PGP: variants seen among roughly 807,000 people sequenced by gnomAD.
PGP encodes the protein phosphoglycolate phosphatase.
PGP carries 9 observed loss-of-function variants against 19.3 expected under a neutral mutation model. The ratio of observed to expected loss-of-function variants is 0.47; its 90% CI spans 0.28 to 0.81. The LOEUF (loss-of-function observed/expected upper bound fraction) is 0.81. PGP is among the 40% of genes least tolerant of loss of function. The probability of loss-of-function intolerance (pLI) is 0.11; values close to 1 mark genes in which losing one functional copy is unlikely to be tolerated. For missense variants in PGP, 403 were observed against 479.9 expected (o/e 0.84, Z 1.50); for synonymous variants, 308 against 226.8 (o/e 1.36, Z -3.22).
chr16:2,211,597 T>C lies in PGP; in HGVS notation c.*2131A>G, dbSNP rs762553939. ...CAAGTCCCGCTAATTTTTGTATTTT[T>C]AGTAGAGATGGGTTTTCACCATTTT... On this transcript the variant is annotated 3_prime_UTR_variant, in exon 2 of 2. Transcript: ENST00000333503. The C allele has an allele frequency of 2.4e-6, 2 of 843,590 alleles. No individual in the cohort carries two copies. Among genetic ancestry groups the C allele is most frequent in the African/African-American group, 1.8e-5 (1 of 54,330 alleles). 52.3% of individuals were successfully genotyped at this position (843,590 alleles called of 1,614,324 possible).
At position 2,214,627 on chromosome 16, in the gene PGP, C is replaced by G; in HGVS notation, c.151G>C (p.Glu51Gln). The G allele has an allele frequency of 6.9e-7, 1 of 1,448,662 alleles. No homozygotes were observed. The highest frequency in any genetic ancestry group is 9.1e-7 in the Non-Finnish European group (1 of 1,103,482). The allele number at this position is 1,448,662 out of a possible 1,614,324, so 89.7% of individuals were successfully genotyped here. A position where few individuals can be genotyped will look rare whatever the true frequency, so the allele number is the denominator to read the frequency against. Residue 51 changes from glutamate to glutamine, a missense_variant, in exon 1 of 2, where the codon GAG (glutamate) becomes CAG (glutamine). Physicochemically the swap from Glu to Gln is conservative, Grantham distance 29 (BLOSUM62 2). Transcript: ENST00000333503. The surrounding 1 kb of genome is among the most constrained non-coding windows in gnomAD (Gnocchi z 7.1). ...CGGGCTCGCAGCGCCCGCAGGGCCT[C>G]GGGCGCGCCAGGCACGGCGGTCTCC... ...RGETAVPGAPEALRALRARGK... is the reference protein window; with the variant it reads ...RGETAVPGAPQALRALRARGK...
chr16:2,213,039 A>G lies in PGP; in HGVS notation c.*689T>C, dbSNP rs1346729845. The G allele has an allele frequency of 1.0e-5, 10 of 985,410 alleles. No homozygotes were observed. The highest frequency in any genetic ancestry group is 1.2e-6 in the Non-Finnish European group (1 of 829,966). The allele number at this position is 985,410 out of a possible 1,614,324, so 61.0% of individuals were successfully genotyped here. On this transcript the variant is annotated 3_prime_UTR_variant, in exon 2 of 2. Transcript: ENST00000333503. ...CTGGGTATAAATGCACACTTGAGAC[A>G]GCAGAGCTTTAGCTGGGCTGCGTTT...
chr16:2,212,973 T>C lies in PGP; in HGVS notation c.*755A>G. ...CCCTGCACTGCAGCCCGGAGTTCAGTGAAGGCGTCCACGCCATGGTAGCTG... is the reference window on the plus strand; with the variant it reads ...CCCTGCACTGCAGCCCGGAGTTCAGCGAAGGCGTCCACGCCATGGTAGCTG... On this transcript the variant is annotated 3_prime_UTR_variant, in exon 2 of 2. Transcript: ENST00000333503. 1.0e-6 allele frequency: 1 copy of C among 985,502 alleles called. No homozygotes were observed. Among genetic ancestry groups the C allele is most frequent in the Non-Finnish European group, 1.2e-6 (1 of 829,944 alleles). 61.0% of individuals were successfully genotyped at this position (985,502 alleles called of 1,614,324 possible).
At position 2,214,511 on chromosome 16, in the gene PGP, G is replaced by C; in HGVS notation, c.267C>G (p.Pro89=). 2.1e-6 allele frequency: 3 copies of C among 1,428,076 alleles called. No individual in the cohort carries two copies. Among genetic ancestry groups the C allele is most frequent in the Non-Finnish European group, 2.7e-6 (3 of 1,094,662 alleles). The allele number at this position is 1,428,076 out of a possible 1,614,324, so 88.5% of individuals were successfully genotyped here. ...EKLRRLGFGG[P]AGPGASLEVF... is the part of the protein sequence containing the mutation. ...CCTCCAGGCTGGCGCCGGGCCCCGCGGGGCCGCCGAAGCCCAGGCGCCGCA... is the reference window on the plus strand; with the variant it reads ...CCTCCAGGCTGGCGCCGGGCCCCGCCGGGCCGCCGAAGCCCAGGCGCCGCA... The change falls in exon 1 of 2, where the codon CCC becomes CCG. Residue 89 remains proline, a synonymous_variant. Coordinates refer to ENST00000333503, the MANE Select transcript of PGP (RefSeq NM_001042371.3). This position sits in a 1 kb window ranked among gnomAD's most constrained non-coding sequence, Gnocchi z 7.1.
At position 2,213,981 on chromosome 16, in the gene PGP, C is replaced by G. The variant is rs757510928; in HGVS notation, c.713G>C (p.Arg238Pro). The G allele has an allele frequency of 1.2e-6, 2 of 1,609,428 alleles. No individual in the cohort carries two copies. The highest frequency in any genetic ancestry group is 1.1e-5 in the South Asian group (1 of 90,896). The change falls in exon 2 of 2, where the codon CGC becomes CCC. Residue 238 changes from arginine to proline, a missense_variant. By Grantham distance (103) the Arg-to-Pro change is moderately radical (BLOSUM62 -2). Coordinates refer to ENST00000333503, the MANE Select transcript of PGP (RefSeq NM_001042371.3). ...CTGGGACACGCAGTCGAAAATGAAGCGGCTGGGCTTCCCGATGATGTCGGC... is the reference window on the plus strand; with the variant it reads ...CTGGGACACGCAGTCGAAAATGAAGGGGCTGGGCTTCCCGATGATGTCGGC... ...RQADIIGKPS[R>P]FIFDCVSQEY...
chr16:2,212,602 C>T lies in PGP; in HGVS notation c.*1126G>A, dbSNP rs923651810. On this transcript the variant is annotated 3_prime_UTR_variant, in exon 2 of 2. Transcript: ENST00000333503. ...CTGGGCCACCAGTCTCTAACCCCTA[C>T]CCCAGCCTAGGGAAGGGGAGGACAG... is the stretch of plus-strand genomic sequence containing the variant. 9.1e-6 allele frequency: 9 copies of T among 985,370 alleles called. No homozygotes were observed. The highest frequency in any genetic ancestry group is 2.3e-4 in the East Asian group (2 of 8,832). 61.0% of individuals were successfully genotyped at this position (985,370 alleles called of 1,614,324 possible).
chr16:2,212,290 G>T lies in PGP; in HGVS notation c.*1438C>A, dbSNP rs934711990. On this transcript the variant is annotated 3_prime_UTR_variant, in exon 2 of 2. Coordinates refer to ENST00000333503, the MANE Select transcript of PGP (RefSeq NM_001042371.3). ...GGCCTGGGAGGTGCTGAAGGCTCAG[G>T]ACGCCTCTTATTGCTCTGAAGTCTT... 1 of 985,882 alleles carries T rather than the reference G, an allele frequency of 1.0e-6. No homozygotes were observed. Among genetic ancestry groups the T allele is most frequent in the African/African-American group, 1.7e-5 (1 of 57,266 alleles). The allele number at this position is 985,882 out of a possible 1,614,324, so 61.1% of individuals were successfully genotyped here.
chr16:2,214,183 T>C lies in PGP; in HGVS notation c.595A>G (p.Asn199Asp). ...TCAAGCGGAAGCCGGTTGTCCATGT[T>C]GGTGCCCACGAGCAGGCAGCCGGGC... ...QQPGCLLVGT[N>D]MDNRLPLENG... The change falls in exon 1 of 2, where the codon AAC becomes GAC. Residue 199 changes from asparagine (N) to aspartate (D), a missense_variant. Transcript: ENST00000333503. This position sits in a 1 kb window ranked among gnomAD's most constrained non-coding sequence, Gnocchi z 7.1. The C allele has an allele frequency of 6.3e-7, 1 of 1,595,580 alleles. No homozygotes were observed. Among genetic ancestry groups the C allele is most frequent in the Non-Finnish European group, 8.5e-7 (1 of 1,179,004 alleles).
chr16:2,214,010 G>T lies in PGP; in HGVS notation c.684C>A (p.Arg228=), dbSNP rs758894065. The change falls in exon 2 of 2, where the codon CGC becomes CGA. Residue 228 remains arginine, a synonymous_variant. Coordinates refer to ENST00000333503, the MANE Select transcript of PGP (RefSeq NM_001042371.3). The surrounding 1 kb of genome is among the most constrained non-coding windows in gnomAD (Gnocchi z 7.1). ...LVRAVEMAAQ[R]QADIIGKPSR... Reference sequence around the variant, plus strand: ...TGGGCTTCCCGATGATGTCGGCCTGGCGCTGGGCGGCCATCTCCACGGCTC... The same window carrying T: ...TGGGCTTCCCGATGATGTCGGCCTGTCGCTGGGCGGCCATCTCCACGGCTC... 1.2e-6 allele frequency: 2 copies of T among 1,604,114 alleles called. No homozygotes were observed. Among genetic ancestry groups the T allele is most frequent in the Non-Finnish European group, 1.7e-6 (2 of 1,174,110 alleles).
In PGP at chr16:2,211,954, C is replaced by T; in HGVS notation, c.*1774G>A. 1.0e-6 allele frequency: 1 copy of T among 985,594 alleles called. No homozygotes were observed. Among genetic ancestry groups the T allele is most frequent in the Non-Finnish European group, 1.2e-6 (1 of 830,006 alleles). The allele number at this position is 985,594 out of a possible 1,614,324, so 61.1% of individuals were successfully genotyped here. A position where few individuals can be genotyped will look rare whatever the true frequency, so the allele number is the denominator to read the frequency against. On this transcript the variant is annotated 3_prime_UTR_variant, in exon 2 of 2. Transcript: ENST00000333503. ...TCCCACCCGTGGTGAGACGGCATCA[C>T]CCGGGCCAATGCAAGGTGAGAGCAA...
In PGP at chr16:2,214,515, C is replaced by A. The variant is rs779904824; in HGVS notation, c.263G>T (p.Gly88Val). ...AEKLRRLGFG[G>V]PAGPGASLEV... ...CAGGCTGGCGCCGGGCCCCGCGGGG[C>A]CGCCGAAGCCCAGGCGCCGCAGCTT... The change falls in exon 1 of 2, where the codon GGC (glycine) becomes GTC (valine). Residue 88 changes from glycine to valine, a missense_variant. Transcript: ENST00000333503. This position sits in a 1 kb window ranked among gnomAD's most constrained non-coding sequence, Gnocchi z 7.1. The A allele has an allele frequency of 1.2e-5, 17 of 1,431,232 alleles. No individual in the cohort carries two copies. The highest frequency in any genetic ancestry group is 2.1e-4 in the Middle Eastern group (1 of 4,856). 88.7% of individuals were successfully genotyped at this position (1,431,232 alleles called of 1,614,324 possible). A position where few individuals can be genotyped will look rare whatever the true frequency, so the allele number is the denominator to read the frequency against.
chr16:2,213,665 T>C lies in PGP; in HGVS notation c.*63A>G, dbSNP rs2093380973. ...GAGCAGATGCTTAAGCCCCACCTAT[T>C]AATTTGGGTAACTGGTTTTCAATTT... On this transcript the variant is annotated 3_prime_UTR_variant, in exon 2 of 2. Coordinates refer to ENST00000333503, the MANE Select transcript of PGP (RefSeq NM_001042371.3). The C allele has an allele frequency of 7.0e-7, 1 of 1,433,680 alleles. No individual in the cohort carries two copies. The highest frequency in any genetic ancestry group is 2.5e-5 in the Admixed American group (1 of 40,450). 88.8% of individuals were successfully genotyped at this position (1,433,680 alleles called of 1,614,324 possible). A position where few individuals can be genotyped will look rare whatever the true frequency, so the allele number is the denominator to read the frequency against.
At position 2,214,520 on chromosome 16, in the gene PGP, G is replaced by A; in HGVS notation, c.258C>T (p.Phe86=). The change falls in exon 1 of 2, where the codon TTC becomes TTT. Residue 86 remains phenylalanine (F), a synonymous_variant. Coordinates refer to ENST00000333503, the MANE Select transcript of PGP (RefSeq NM_001042371.3). This position sits in a 1 kb window ranked among gnomAD's most constrained non-coding sequence, Gnocchi z 7.1. ...TGGCGCCGGGCCCCGCGGGGCCGCC[G>A]AAGCCCAGGCGCCGCAGCTTCTCGG... The part of the protein sequence containing the change: ...AYAEKLRRLG[F]GGPAGPGASL... 1.4e-6 allele frequency: 2 copies of A among 1,441,124 alleles called. No homozygotes were observed. The highest frequency in any genetic ancestry group is 9.1e-7 in the Non-Finnish European group (1 of 1,099,772). 89.3% of individuals were successfully genotyped at this position (1,441,124 alleles called of 1,614,324 possible).
rs1267091639 is a variant in PGP, at chr16:2,212,020, C to T, written c.*1708G>A. On this transcript the variant is annotated 3_prime_UTR_variant, in exon 2 of 2. Transcript: ENST00000333503. ...TGTGGGTTTGAGAGTTTAATCTGTG[C>T]TCTGGCGCCCACAGTGCTGCAGCCC... The T allele has an allele frequency of 5.1e-6, 5 of 985,408 alleles. No individual in the cohort carries two copies. The East Asian group carries it at 4.5e-4, about 89-fold the overall frequency. 61.0% of individuals were successfully genotyped at this position (985,408 alleles called of 1,614,324 possible).
In PGP at chr16:2,214,068, G is replaced by A. The variant is rs775602143; in HGVS notation, c.641-15C>T. The stretch of plus-strand genomic sequence containing the variant: ...ACACCCGGTACCTGCGGGGCACAGG[G>A]GACCGGGTCAAAGGGCAGGGAGGGG... On this transcript the variant is annotated splice_polypyrimidine_tract_variant and intron_variant, in intron 1 of 1. Transcript: ENST00000333503. The surrounding 1 kb of genome is among the most constrained non-coding windows in gnomAD (Gnocchi z 7.1). 3 of 1,598,546 alleles carry A rather than the reference G, an allele frequency of 1.9e-6. No individual in the cohort carries two copies. In the South Asian group the frequency reaches 3.3e-5, roughly 18 times the overall value.
Position 2,213,084 on chromosome 16 carries a change from C to A in PGP, c.*644G>T. 1 of 985,504 alleles carries A rather than the reference C, an allele frequency of 1.0e-6. No individual in the cohort carries two copies. The highest frequency in any genetic ancestry group is 1.2e-6 in the Non-Finnish European group (1 of 829,960). 61.0% of individuals were successfully genotyped at this position (985,504 alleles called of 1,614,324 possible). ...GCGTTTACAGAACTGGGCAGCAGCC[C>A]TGGGTATCTGAAACGGAACAGACAC... On this transcript the variant is annotated 3_prime_UTR_variant, in exon 2 of 2. Transcript: ENST00000333503.
Position 2,213,904 on chromosome 16 carries a change from T to C in PGP, c.790A>G (p.Thr264Ala), listed in dbSNP as rs1456757158. The C allele has an allele frequency of 6.2e-7, 1 of 1,613,328 alleles. No individual in the cohort carries two copies. The highest frequency in any genetic ancestry group is 2.2e-5 in the East Asian group (1 of 44,858). ...RTVMVGDRLD[T>A]DILLGATCGL... ...CAGGTGGCGCCTAGGAGGATGTCTG[T>C]GTCCAGGCGGTCTCCCACCATGACG... Residue 264 changes from threonine to alanine, a missense_variant, in exon 2 of 2, where the codon ACA (threonine) becomes GCA (alanine). Transcript: ENST00000333503.
rs1596738102 is a variant in PGP, at chr16:2,211,778, T to C, written c.*1950A>G. 1.0e-6 allele frequency: 1 copy of C among 985,632 alleles called. No individual in the cohort carries two copies. Among genetic ancestry groups the C allele is most frequent in the Non-Finnish European group, 1.2e-6 (1 of 830,058 alleles). The allele number at this position is 985,632 out of a possible 1,614,324, so 61.1% of individuals were successfully genotyped here. ...CGCTCTGACACGGCAGCCCACCAGCTTCACTCCAGGGCCCTTTGCTTCCCT... is the reference window on the plus strand; with the variant it reads ...CGCTCTGACACGGCAGCCCACCAGCCTCACTCCAGGGCCCTTTGCTTCCCT... On this transcript the variant is annotated 3_prime_UTR_variant, in exon 2 of 2. Coordinates refer to ENST00000333503, the MANE Select transcript of PGP (RefSeq NM_001042371.3).
chr16:2,212,681 G>A lies in PGP; in HGVS notation c.*1047C>T, dbSNP rs749062419. 47 of 985,372 alleles carry A rather than the reference G, an allele frequency of 4.8e-5. No individual in the cohort carries two copies. The highest frequency in any genetic ancestry group is 1.0e-4 in the African/African-American group (6 of 57,246). The allele number at this position is 985,372 out of a possible 1,614,324, so 61.0% of individuals were successfully genotyped here. On this transcript the variant is annotated 3_prime_UTR_variant, in exon 2 of 2. Transcript: ENST00000333503. ...TCCTGTTCTTGGGGACATAACTCTC[G>A]TCCCCTCCCAGAGCCCTGGATGACT...
Sources: allele counts gnomAD v4.1 joint callset, GRCh38; gene constraint gnomAD v4.1.1; non-coding constraint Gnocchi (gnomAD v3.1); transcripts MANE v1.5; gene names NCBI Gene and HGNC (gene_info 2026-07-23, HGNC 2026-07-21).